The following WTIP variants were observed in gnomAD, a reference collection of about 807,000 sequenced individuals.
The protein encoded by WTIP is WT1 interacting protein.
WTIP carries 23 observed loss-of-function variants against 41.7 expected under a neutral mutation model. The ratio of observed to expected loss-of-function variants is 0.55; its 90% CI spans 0.40 to 0.78. The LOEUF (loss-of-function observed/expected upper bound fraction) is 0.78. Ranked by LOEUF, WTIP falls within the 30% of genes least tolerant of loss-of-function variation. The pLI, the probability that WTIP is intolerant of heterozygous loss-of-function variation, is 0.00. For synonymous variants in WTIP, 314 were observed against 269.9 expected (o/e 1.16, Z -1.60); for missense variants, 619 against 610.5 (o/e 1.01, Z -0.15).
rs1599951490 is a variant in WTIP, at chr19:34,484,847, T to C, written c.667+2206T>C. On this transcript the variant is annotated intron_variant, in intron 1 of 7. Transcript: ENST00000590071. ...TGGGAGGCTGAGGTGGGAGGAGCAC[T>C]TGAACCCAGGAGTTCCAGGCTGCAA... Among the ~76,000 whole-genome samples the C allele has an allele frequency of 2.6e-5, 4 of 151,262 alleles. No homozygotes were observed. The South Asian group carries it at 8.4e-4, about 32-fold the overall frequency.
intron 2 of WTIP, among the ~76,000 whole-genome samples, chr19:34,492,375 AGGAG>A (rs2075829897): frequency 8.4e-6 from 1 of 118,894 alleles, no homozygotes; most frequent in Non-Finnish European, 1.7e-5. Flanking sequence ...TCAGCCTCCC[AGGAG>A]GCTGGGAGGC....
chr19:34,496,046 AC>A (rs1323999992), intron 7 of WTIP, among the ~76,000 whole-genome samples: 1 of 152,120 alleles, frequency 6.6e-6, no homozygotes, highest in Non-Finnish European at 1.5e-5. Flanking sequence ...AGTCCCAGCT[AC>A]TCAGGAGGCT....
chr19:34,490,438 A>T lies in WTIP; in HGVS notation c.730A>T (p.Ser244Cys), dbSNP rs375773387. The T allele has an allele frequency of 6.2e-7, 1 of 1,613,700 alleles. No individual in the cohort carries two copies. The highest frequency in any genetic ancestry group is 8.5e-7 in the Non-Finnish European group (1 of 1,179,858). ...GAQQACQAMGSLYHTDCFTCD... is the reference protein window; with the variant it reads ...GAQQACQAMGCLYHTDCFTCD... Reference sequence around the variant, plus strand: ...CCAGCAGGCGTGCCAGGCAATGGGGAGTCTTTATCACACTGACTGCTTCAC... The same window carrying T: ...CCAGCAGGCGTGCCAGGCAATGGGGTGTCTTTATCACACTGACTGCTTCAC... Residue 244 changes from serine to cysteine, a missense_variant, in exon 2 of 8, where the codon AGT becomes TGT. Coordinates refer to ENST00000590071, the MANE Select transcript of WTIP (RefSeq NM_001080436.2).
chr19:34,486,023 C>T (rs537748819), intron 1 of WTIP, among the ~76,000 whole-genome samples: 84 of 152,270 alleles, frequency 5.5e-4, no homozygotes, highest in Admixed American at 3.3e-3. Flanking sequence ...CCCCAAGTTC[C>T]GCTGCCATTA....
At position 34,501,364 on chromosome 19, in the gene WTIP, G is replaced by T. The variant is rs1182523757; in HGVS notation, c.*1095G>T. On this transcript the variant is annotated 3_prime_UTR_variant, in exon 8 of 8. Transcript: ENST00000590071. ...TAGGGTAGTGTGGGGTTCCGTGTGT[G>T]TCCGGGTGTTAAGGGCGGTCGCCCC... 6.6e-6 allele frequency: 1 copy of T among 152,234 alleles called. No individual in the cohort carries two copies. Among genetic ancestry groups the T allele is most frequent in the African/African-American group, 2.4e-5 (1 of 41,444 alleles). The allele number at this position is 152,234 out of a possible 1,614,324, so 9.4% of individuals were successfully genotyped here. A position where few individuals can be genotyped will look rare whatever the true frequency, so the allele number is the denominator to read the frequency against.
In WTIP at chr19:34,508,595, G is replaced by C. The variant is rs1359840654; in HGVS notation, c.*8326G>C. 1 of 152,376 alleles carries C rather than the reference G, an allele frequency of 6.6e-6. No individual in the cohort carries two copies. Among genetic ancestry groups the C allele is most frequent in the East Asian group, 1.9e-4 (1 of 5,184 alleles). The allele number at this position is 152,376 out of a possible 1,614,324, so 9.4% of individuals were successfully genotyped here. A position where few individuals can be genotyped will look rare whatever the true frequency, so the allele number is the denominator to read the frequency against. On this transcript the variant is annotated 3_prime_UTR_variant, in exon 8 of 8. Coordinates refer to ENST00000590071, the MANE Select transcript of WTIP (RefSeq NM_001080436.2). ...GGACCCTGGAGATGAGGCCAGGATG[G>C]CCGACTCCAACCCCTTAGCTGCTTC...
At chr19:34,492,107 CT>C (rs71165662) in intron 2 of WTIP, among the ~76,000 whole-genome samples, 81,010 of 100,546 alleles carry the variant, frequency 0.81, 33,344 homozygotes, top group Non-Finnish European at 0.87. Flanking sequence ...TGTTCAATGT[CT>C]TTTTTTTTTT....
intron 5 of WTIP, among the ~76,000 whole-genome samples, 181 bp from the exon 6 acceptor site, chr19:34,494,402 AAAG>A (rs1299367537): frequency 3.3e-5 from 5 of 151,754 alleles, no homozygotes; most frequent in Admixed American, 6.6e-5. Context: ...AAAAAAAAAA[AAAG>A]AAGAGGCCAG....
In WTIP at chr19:34,510,266, A is replaced by G. The variant is rs1438810595; in HGVS notation, c.*9997A>G. 1 of 152,192 alleles carries G rather than the reference A, an allele frequency of 6.6e-6. No homozygotes were observed. Among genetic ancestry groups the G allele is most frequent in the African/African-American group, 2.4e-5 (1 of 41,456 alleles). The allele number at this position is 152,192 out of a possible 1,614,324, so 9.4% of individuals were successfully genotyped here. On this transcript the variant is annotated 3_prime_UTR_variant, in exon 8 of 8. Coordinates refer to ENST00000590071, the MANE Select transcript of WTIP (RefSeq NM_001080436.2). ...TTTTCATACATCTTCTGAAATCTAG[A>G]TGGAGGTTCCCAAACCTCAATTCTT...
At chr19:34,487,481 AG>A (rs1352132141) in intron 1 of WTIP, among the ~76,000 whole-genome samples, 1 of 145,896 alleles carries the variant, frequency 6.9e-6, no homozygotes, top group Admixed American at 6.8e-5. Context: ...TGGGCAGAGC[AG>A]GGGGTACCCA....
In WTIP at chr19:34,500,420, CTATT is replaced by C. The variant is rs2075879039; in HGVS notation, c.*156_*159del. The C allele has an allele frequency of 8.9e-7, 1 of 1,123,196 alleles. No homozygotes were observed. The highest frequency in any genetic ancestry group is 2.7e-5 in the East Asian group (1 of 37,522). 69.6% of individuals were successfully genotyped at this position (1,123,196 alleles called of 1,614,324 possible). A position where few individuals can be genotyped will look rare whatever the true frequency, so the allele number is the denominator to read the frequency against. ...GGGCCGGACCCCCGCGTGGAAGCTT[CTATT>C]TATTCACCGTCTGTGCCTGCTCAAG... On this transcript the variant is annotated 3_prime_UTR_variant, in exon 8 of 8. Coordinates refer to ENST00000590071, the MANE Select transcript of WTIP (RefSeq NM_001080436.2).
At position 34,506,287 on chromosome 19, in the gene WTIP, C is replaced by T. The variant is rs1296067564; in HGVS notation, c.*6018C>T. The T allele has an allele frequency of 6.6e-6, 1 of 152,216 alleles. No homozygotes were observed. Among genetic ancestry groups the T allele is most frequent in the Non-Finnish European group, 1.5e-5 (1 of 68,044 alleles). The allele number at this position is 152,216 out of a possible 1,614,324, so 9.4% of individuals were successfully genotyped here. ...CCTTGTGACTATGGGGCTGTCCTTC[C>T]ACAGTGTGCACTGAGGGTGCAGGCC... On this transcript the variant is annotated 3_prime_UTR_variant, in exon 8 of 8. Transcript: ENST00000590071.
chr19:34,504,419 G>A lies in WTIP; in HGVS notation c.*4150G>A, dbSNP rs1599971288. On this transcript the variant is annotated 3_prime_UTR_variant, in exon 8 of 8. Transcript: ENST00000590071. ...TGTGTTTGTTTGTGTGTGTGTGTGTGTGTCTGTGTGTGTGTTGGCGTCGCC... is the reference window on the plus strand; with the variant it reads ...TGTGTTTGTTTGTGTGTGTGTGTGTATGTCTGTGTGTGTGTTGGCGTCGCC... The A allele has an allele frequency of 6.6e-6, 1 of 152,372 alleles. No individual in the cohort carries two copies. The highest frequency in any genetic ancestry group is 1.5e-5 in the Non-Finnish European group (1 of 68,450). The allele number at this position is 152,372 out of a possible 1,614,324, so 9.4% of individuals were successfully genotyped here. A position where few individuals can be genotyped will look rare whatever the true frequency, so the allele number is the denominator to read the frequency against.
chr19:34,484,007 A>G (rs1364114582), intron 1 of WTIP, among the ~76,000 whole-genome samples: 2 of 134,738 alleles, frequency 1.5e-5, no homozygotes, highest in South Asian at 2.3e-4. Context: ...GCTCACTGCA[A>G]CCTCCGACTC....
chr19:34,494,808 A>G (rs1480614784), intron 6 of WTIP, among the ~76,000 whole-genome samples, 171 bp downstream of exon 6: 5 of 152,230 alleles, frequency 3.3e-5, no homozygotes, highest in Non-Finnish European at 5.9e-5. Flanking sequence ...CGTGGGGTAC[A>G]GCTGTCCCCT....
intron 2 of WTIP, 105 bp downstream of exon 2, chr19:34,490,582 G>A (rs1315634137): frequency 3.0e-5 from 37 of 1,218,474 alleles, no homozygotes; most frequent in Non-Finnish European, 4.0e-5. Flanking sequence ...TGGACCACCT[G>A]GCTCTGGCCC....
At chr19:34,487,943 G>T (rs180747624) in intron 1 of WTIP, among the ~76,000 whole-genome samples, 248 of 152,326 alleles carry the variant, frequency 1.6e-3, no homozygotes, top group African/African-American at 5.1e-3. Flanking sequence ...GCCAGGCTTG[G>T]CCCTGGCGTT....
In WTIP at chr19:34,506,332, CAGAA is replaced by C. The variant is rs1250827452; in HGVS notation, c.*6069_*6072del. ...CAGGCCAAACCTTTTAAAGAATAAACAGAAAGAAATCGGCTCTTTCACTTCTTGC... is the reference window on the plus strand; with the variant it reads ...CAGGCCAAACCTTTTAAAGAATAAACAGAAATCGGCTCTTTCACTTCTTGC... On this transcript the variant is annotated 3_prime_UTR_variant, in exon 8 of 8. Transcript: ENST00000590071. 6.6e-6 allele frequency: 1 copy of C among 152,172 alleles called. No homozygotes were observed. The highest frequency in any genetic ancestry group is 1.5e-5 in the Non-Finnish European group (1 of 68,042). 9.4% of individuals were successfully genotyped at this position (152,172 alleles called of 1,614,324 possible).
chr19:34,500,000 G>A, intron 7 of WTIP, 129 bp from the exon 8 acceptor site: 2 of 1,350,546 alleles, frequency 1.5e-6, no homozygotes, highest in Non-Finnish European at 2.0e-6. Flanking sequence ...TGCGCCCGGC[G>A]GAAGAGTCTT....
Sources: gnomAD v4.1 joint callset for allele counts (sites outside exome capture counted in the v4.1 genomes callset) on GRCh38, gnomAD v4.1.1 for gene constraint, MANE v1.5 for transcripts, NCBI Gene and HGNC (gene_info 2026-07-23, HGNC 2026-07-21) for gene names.